CLRN1: variants seen among roughly 807,000 people sequenced by gnomAD.
The protein encoded by CLRN1 is clarin-1.
In CLRN1, 15 loss-of-function variants were observed where a neutral mutation model predicts 18.7. That is an observed-to-expected ratio of 0.80 (90% CI 0.54 to 1.23). The LOEUF (loss-of-function observed/expected upper bound fraction) is 1.23, where lower values mean the gene tolerates loss of function less well. Among genes scored for constraint, CLRN1 ranks in the 50% most tolerant of loss-of-function variants. The probability of loss-of-function intolerance (pLI) is 0.00; values close to 1 mark genes in which losing one functional copy is unlikely to be tolerated. For missense variants in CLRN1, 311 were observed against 277.5 expected, an observed-to-expected ratio of 1.12 and a Z score of -0.86; for synonymous variants, 104 against 102.9, an observed-to-expected ratio of 1.01 and a Z score of -0.07.
chr3:150,941,931 T>C (rs1198000410), intron 1 of CLRN1, among the ~76,000 whole-genome samples, 170 bp from the exon 2 acceptor site: 5 of 152,230 alleles, frequency 3.3e-5, no homozygotes, highest in Non-Finnish European at 7.3e-5. Context: ...GGTTTAAAGA[T>C]AGGATCATTT....
intron 2 of CLRN1, among the ~76,000 whole-genome samples, chr3:150,930,262 A>G (rs1215623339): frequency 6.6e-6 from 1 of 152,102 alleles, no homozygotes; most frequent in Non-Finnish European, 1.5e-5. Flanking sequence ...GTGGGGGGAG[A>G]GTACTGCAGG....
At chr3:150,961,084 T>A (rs1168201660) in intron 1 of CLRN1, among the ~76,000 whole-genome samples, 2 of 152,164 alleles carry the variant, frequency 1.3e-5, no homozygotes, top group Non-Finnish European at 2.9e-5. Context: ...GCATAAGACC[T>A]TCATGAAAAT....
intron 2 of CLRN1, chr3:150,941,325 T>A: frequency 2.5e-6 from 1 of 392,796 alleles, no homozygotes. Context: ...GAGACAAGCG[T>A]TTATCCTCTT....
intron 1 of CLRN1, among the ~76,000 whole-genome samples, chr3:150,971,229 C>A (rs1030479911): frequency 3.3e-5 from 5 of 152,126 alleles, no homozygotes; most frequent in Admixed American, 1.3e-4. Flanking sequence ...AACTAAGCAA[C>A]TCTAACAGCC....
Position 150,972,646 on chromosome 3 carries a change from G to A in CLRN1, c.63C>T (p.Ala21=), listed in dbSNP as rs1459945227. The change falls in exon 1 of 3, where the codon GCC becomes GCT. Residue 21 remains alanine (A), a synonymous_variant. Transcript: ENST00000327047. ...CMAGVFSFAC[A]LGVVTALGTP... is the part of the protein sequence containing the mutation. ...TCCCCAAGGCTGTCACAACTCCGAG[G>A]GCACATGCAAAACTGAACACTCCGG... is the stretch of plus-strand genomic sequence containing the variant. 3.1e-6 allele frequency: 5 copies of A among 1,614,032 alleles called. No homozygotes were observed. Among genetic ancestry groups the A allele is most frequent in the African/African-American group, 1.3e-5 (1 of 74,884 alleles).
chr3:150,971,625 G>C (rs956191927), intron 1 of CLRN1, among the ~76,000 whole-genome samples: 1 of 152,148 alleles, frequency 6.6e-6, no homozygotes. Flanking sequence ...TCTTCATAAG[G>C]TTGTTCCAAA....
At chr3:150,962,527 G>A (rs1476320679) in intron 1 of CLRN1, among the ~76,000 whole-genome samples, 1 of 151,946 alleles carries the variant, frequency 6.6e-6, no homozygotes, top group Non-Finnish European at 1.5e-5. Context: ...TACAATACTA[G>A]TTTTTGAAAT....
intron 2 of CLRN1, among the ~76,000 whole-genome samples, chr3:150,932,899 T>C (rs749490241): frequency 5.9e-5 from 9 of 152,208 alleles, no homozygotes; most frequent in Non-Finnish European, 1.3e-4. Context: ...AAAGGATAGA[T>C]GTAGATGAAG....
chr3:150,967,739 A>C (rs891308425), intron 1 of CLRN1, among the ~76,000 whole-genome samples: 2 of 152,224 alleles, frequency 1.3e-5, no homozygotes, highest in African/African-American at 4.8e-5. Flanking sequence ...CACTTGGGGC[A>C]GGTCAGGTCA....
rs115839423 is a variant in CLRN1 at position 150,958,113 on chromosome 3, C to G, written c.253+14343G>C. On this transcript the variant is annotated intron_variant, in intron 1 of 2. Transcript: ENST00000327047. ...AAATTGGTGTAACTGATGGACATCT[C>G]TGGTTGATGTTCCACAAGTGATCAA... Among the ~76,000 whole-genome samples, 1,395 of 152,280 alleles carry G rather than the reference C, an allele frequency of 9.2e-3. 22 individuals are homozygous for G. Among genetic ancestry groups the G allele is most frequent in the African/African-American group, 0.029 (1,203 of 41,560 alleles).
chr3:150,940,520 C>A, intron 2 of CLRN1: 2 of 1,534,572 alleles, frequency 1.3e-6, no homozygotes, highest in South Asian at 1.2e-5. Context: ...CAAAGGGCAA[C>A]TTCAGGAGAA....
rs776275290 is a variant in CLRN1, at chr3:150,940,526, G to A, written c.433+1056C>T. ...GCTGGCAGCCAAAGGGCAACTTCAGGAGAAAAAGAAACAGTCGAATAGAGA... is the reference window on the plus strand; with the variant it reads ...GCTGGCAGCCAAAGGGCAACTTCAGAAGAAAAAGAAACAGTCGAATAGAGA... On this transcript the variant is annotated intron_variant, in intron 2 of 2. Coordinates refer to ENST00000327047, the MANE Select transcript of CLRN1 (RefSeq NM_174878.3). 7.2e-6 allele frequency: 11 copies of A among 1,534,268 alleles called. No homozygotes were observed. The South Asian group carries it at 1.2e-4, about 17-fold the overall frequency.
At chr3:150,932,227 G>A (rs1713193756) in intron 2 of CLRN1, among the ~76,000 whole-genome samples, 2 of 152,144 alleles carry the variant, frequency 1.3e-5, no homozygotes, top group Admixed American at 1.3e-4. Flanking sequence ...GCAGAATTGA[G>A]CACTGGTCTC....
At chr3:150,931,853 A>G (rs1275351368) in intron 2 of CLRN1, among the ~76,000 whole-genome samples, 2 of 152,162 alleles carry the variant, frequency 1.3e-5, no homozygotes, top group African/African-American at 4.8e-5. Context: ...TATCTGACCA[A>G]CACTGCTCCT....
rs1003552143 is a variant in CLRN1 at position 150,940,330 on chromosome 3, T to A, written c.433+1252A>T. On this transcript the variant is annotated intron_variant, in intron 2 of 2. Transcript: ENST00000327047. ...GTGGATGGGGTGAGACCCTAAGCAG[T>A]GTGCACAAGTAACAATGAACAGAGG... is the stretch of plus-strand genomic sequence containing the variant. 7.0e-6 allele frequency: 4 copies of A among 571,176 alleles called. No individual in the cohort carries two copies. In the African/African-American group the frequency reaches 7.5e-5, roughly 11 times the overall value. 35.4% of individuals were successfully genotyped at this position (571,176 alleles called of 1,614,324 possible).
In CLRN1 at chr3:150,972,588, T is replaced by G; in HGVS notation, c.121A>C (p.Lys41Gln). 1 of 1,614,252 alleles carries G rather than the reference T, an allele frequency of 6.2e-7. No homozygotes were observed. Among genetic ancestry groups the G allele is most frequent in the South Asian group, 1.1e-5 (1 of 91,088 alleles). The change falls in exon 1 of 3, where the codon AAA becomes CAA. Residue 41 changes from lysine to glutamine, a missense_variant. By Grantham distance (53) the Lys-to-Gln change is moderately conservative. Transcript: ENST00000327047. ...GCATTGACGAGCAGAGCTCCCGTTT[T>G]GCAGAGGACAGTGGCTTTGATCCAC... The part of the protein sequence containing the change: ...PLWIKATVLC[K>Q]TGALLVNASG...
intron 2 of CLRN1, among the ~76,000 whole-genome samples, chr3:150,935,560 T>C (rs1713429460): frequency 6.6e-6 from 1 of 150,576 alleles, no homozygotes; most frequent in Admixed American, 6.6e-5. Flanking sequence ...GACATTTAGG[T>C]TGGTTCCAAG....
At chr3:150,949,602 C>T (rs569070837) in intron 1 of CLRN1, among the ~76,000 whole-genome samples, 16 of 152,142 alleles carry the variant, frequency 1.1e-4, no homozygotes, top group Non-Finnish European at 2.4e-4. Context: ...ACAATTACTA[C>T]AGAAAGAATA....
intron 1 of CLRN1, among the ~76,000 whole-genome samples, chr3:150,967,163 A>G (rs1029166879): frequency 2.6e-5 from 4 of 152,192 alleles, no homozygotes; most frequent in Admixed American, 6.5e-5. Context: ...GGTTTGAAGG[A>G]GCACTGGGAT....
Sources: gnomAD v4.1 joint callset for allele counts (sites outside exome capture counted in the v4.1 genomes callset) on GRCh38, gnomAD v4.1.1 for gene constraint, MANE v1.5 for transcripts, NCBI Gene and HGNC (gene_info 2026-07-23, HGNC 2026-07-21) for gene names.